ST3GAL2: variants seen among roughly 807,000 people sequenced by gnomAD.
The protein encoded by ST3GAL2 is ST3 beta-galactoside alpha-2,3-sialyltransferase 2, also known as CMP-N-acetylneuraminate-beta-galactosamide-alpha-2,3-sialyltransferase 2.
In ST3GAL2, 16 loss-of-function variants were observed where a neutral mutation model predicts 37.5. The ratio of observed to expected loss-of-function variants is 0.43; its 90% CI spans 0.29 to 0.65. ST3GAL2 has a LOEUF of 0.65. Among genes scored for constraint, ST3GAL2 ranks in the 30% least tolerant of loss-of-function variants. The pLI, the probability that ST3GAL2 is intolerant of heterozygous loss-of-function variation, is 0.17. For synonymous variants in ST3GAL2, 238 were observed against 202.9 expected (o/e 1.17, Z -1.47); for missense variants, 383 against 487.8 (o/e 0.79, Z 2.02).
chr16:70,421,627 G>A (rs2047715291), intron 1 of ST3GAL2, among the ~76,000 whole-genome samples: 1 of 152,236 alleles, frequency 6.6e-6, no homozygotes, highest in Non-Finnish European at 1.5e-5. Flanking sequence ...TCGCCCACAT[G>A]ATGGTGCTAT....
At position 70,377,996 on chromosome 16, in the gene ST3GAL2, T is replaced by G. The variant is rs2047362332; in HGVS notation, c.*3693A>C. 1 of 151,952 alleles carries G rather than the reference T, an allele frequency of 6.6e-6. No individual in the cohort carries two copies. The highest frequency in any genetic ancestry group is 6.6e-5 in the Admixed American group (1 of 15,242). 9.4% of individuals were successfully genotyped at this position (151,952 alleles called of 1,614,324 possible). A position where few individuals can be genotyped will look rare whatever the true frequency, so the allele number is the denominator to read the frequency against. The stretch of plus-strand genomic sequence containing the variant: ...GGAAAGGAATGAAAAAGGTATCAAC[T>G]CACATGGGCAAATAAATGGAAACAA... On this transcript the variant is annotated 3_prime_UTR_variant, in exon 7 of 7. Coordinates refer to ENST00000342907, the MANE Select transcript of ST3GAL2 (RefSeq NM_006927.4).
chr16:70,381,865 G>A lies in ST3GAL2; in HGVS notation c.880-3C>T, dbSNP rs755535655. The A allele has an allele frequency of 1.5e-5, 24 of 1,612,880 alleles. No individual in the cohort carries two copies. The highest frequency in any genetic ancestry group is 6.7e-5 in the Admixed American group (4 of 59,990). ...GCCCCGAACCCGTACACGTTCACCT[G>A]CGGGGAAGCGCAGCGGAGCGTCACC... On this transcript the variant is annotated splice_region_variant and splice_polypyrimidine_tract_variant and intron_variant, in intron 6 of 6. Transcript: ENST00000342907.
chr16:70,435,880 C>T (rs1176507802), intron 1 of ST3GAL2, among the ~76,000 whole-genome samples: 1 of 152,062 alleles, frequency 6.6e-6, no homozygotes, highest in African/African-American at 2.4e-5. Context: ...CTAATCCCAA[C>T]AGTGGGAAGC....
intron 1 of ST3GAL2, among the ~76,000 whole-genome samples, chr16:70,404,257 A>AG (rs2047574156): frequency 6.6e-6 from 1 of 152,180 alleles, no homozygotes; most frequent in Non-Finnish European, 1.5e-5. Flanking sequence ...CCAATGAGGC[A>AG]GGGGGAAAAA....
chr16:70,410,831 C>G (rs1344483802), intron 1 of ST3GAL2, among the ~76,000 whole-genome samples: 2 of 81,206 alleles, frequency 2.5e-5, no homozygotes, highest in Admixed American at 2.9e-4. Flanking sequence ...TTTTTTGTCT[C>G]TGTGTTTTGC....
chr16:70,407,944 TG>T (rs2047603943), intron 1 of ST3GAL2, among the ~76,000 whole-genome samples: 1 of 152,086 alleles, frequency 6.6e-6, no homozygotes, highest in African/African-American at 2.4e-5. Context: ...GCACGGAGCC[TG>T]GGGGGATGGG....
intron 1 of ST3GAL2, among the ~76,000 whole-genome samples, chr16:70,420,442 A>G (rs913826620): frequency 6.6e-6 from 1 of 152,184 alleles, no homozygotes; most frequent in African/African-American, 2.4e-5. Context: ...AAGAGGGCAG[A>G]ACAGAGATCT....
At position 70,384,250 on chromosome 16, in the gene ST3GAL2, G is replaced by C. The variant is rs533558042; in HGVS notation, c.714-1015C>G. Among the ~76,000 whole-genome samples, 3 of 152,080 alleles carry C rather than the reference G, an allele frequency of 2.0e-5. No individual in the cohort carries two copies. The South Asian group carries it at 6.2e-4, about 32-fold the overall frequency. The stretch of plus-strand genomic sequence containing the variant: ...GAAGGATAAACGGATAAACAAAATG[G>C]GTATATCCCTACATTGGCATAGTAT... On this transcript the variant is annotated intron_variant, in intron 4 of 6. Coordinates refer to ENST00000342907, the MANE Select transcript of ST3GAL2 (RefSeq NM_006927.4).
chr16:70,433,861 A>G (rs2047807076), intron 1 of ST3GAL2, among the ~76,000 whole-genome samples: 1 of 152,212 alleles, frequency 6.6e-6, no homozygotes, highest in Admixed American at 6.5e-5. Flanking sequence ...CCTATGCTCT[A>G]GAAAAAAGGG....
chr16:70,407,442 A>G (rs963686862), intron 1 of ST3GAL2, among the ~76,000 whole-genome samples: 1 of 152,124 alleles, frequency 6.6e-6, no homozygotes, highest in African/African-American at 2.4e-5. Context: ...TGCCAATACT[A>G]CAGTCTTCTA....
intron 1 of ST3GAL2, among the ~76,000 whole-genome samples, chr16:70,402,976 G>T (rs58047061): frequency 0.093 from 14,114 of 152,220 alleles, 2,176 homozygotes; most frequent in African/African-American, 0.32. Context: ...TGTTTATTCT[G>T]TAAAGAGCAC....
At position 70,386,939 on chromosome 16, in the gene ST3GAL2, C is replaced by T. The variant is rs564155221; in HGVS notation, c.713+1428G>A. ...GATTACATGCGTGAGCCGCAGTGCC[C>T]GGCCATGAAAATGTTTTAAAATTAA... On this transcript the variant is annotated intron_variant, in intron 4 of 6. Transcript: ENST00000342907. Among the ~76,000 whole-genome samples the T allele has an allele frequency of 1.6e-3, 238 of 152,312 alleles. 1 individual carries two copies. Among genetic ancestry groups the T allele is most frequent in the Non-Finnish European group, 3.0e-3 (204 of 68,028 alleles).
chr16:70,405,842 C>T (rs1379184622), intron 1 of ST3GAL2, among the ~76,000 whole-genome samples: 4 of 151,768 alleles, frequency 2.6e-5, no homozygotes, highest in South Asian at 2.1e-4. Flanking sequence ...AGGTGGATCA[C>T]GAGGTCAGGA....
At chr16:70,388,909 AAAAAAC>A (rs981221674) in intron 3 of ST3GAL2, among the ~76,000 whole-genome samples, 1 of 150,964 alleles carries the variant, frequency 6.6e-6, no homozygotes, top group Non-Finnish European at 1.5e-5. Context: ...ACTAAAAAAA[AAAAAAC>A]AAATATAAAA....
At chr16:70,384,517 C>T (rs1009517998) in intron 4 of ST3GAL2, among the ~76,000 whole-genome samples, 1 of 150,318 alleles carries the variant, frequency 6.7e-6, no homozygotes, top group Non-Finnish European at 1.5e-5. Context: ...CCATCCTGGC[C>T]AACATGGTAA....
At chr16:70,384,506 A>C (rs1427832103) in intron 4 of ST3GAL2, among the ~76,000 whole-genome samples, 2 of 151,896 alleles carry the variant, frequency 1.3e-5, no homozygotes, top group Non-Finnish European at 2.9e-5. Context: ...AGAGATGGAG[A>C]CCATCCTGGC....
At chr16:70,417,475 C>G (rs1321475558) in intron 1 of ST3GAL2, among the ~76,000 whole-genome samples, 1 of 152,242 alleles carries the variant, frequency 6.6e-6, no homozygotes, top group Non-Finnish European at 1.5e-5. Flanking sequence ...ACGGCCGTAA[C>G]CCCTTCCCCA....
chr16:70,395,751 C>T (rs74026020), intron 2 of ST3GAL2, among the ~76,000 whole-genome samples: 1,572 of 152,248 alleles, frequency 0.01, 22 homozygotes, highest in African/African-American at 0.029. Context: ...GACCATGAAA[C>T]GAGGCAGCAC....
intron 1 of ST3GAL2, among the ~76,000 whole-genome samples, chr16:70,433,868 A>G (rs574265945): frequency 2.0e-5 from 3 of 152,358 alleles, no homozygotes; most frequent in South Asian, 2.1e-4. Context: ...TCTAGAAAAA[A>G]GGGACAACTC....
Sources: allele counts gnomAD v4.1 joint callset (sites outside exome capture counted in the v4.1 genomes callset), GRCh38; gene constraint gnomAD v4.1.1; transcripts MANE v1.5; gene names NCBI Gene and HGNC (gene_info 2026-07-23, HGNC 2026-07-21).